The following FAM3B variants were observed in gnomAD, a reference collection of about 807,000 sequenced individuals.
FAM3B encodes protein FAM3B.
FAM3B carries 29 observed loss-of-function variants against 28.4 expected under a neutral mutation model. That is an observed-to-expected ratio of 1.02 (90% CI 0.76 to 1.39). The LOEUF (loss-of-function observed/expected upper bound fraction) is 1.39, where lower values mean the gene tolerates loss of function less well. FAM3B is among the 40% of genes most tolerant of loss of function. The probability of loss-of-function intolerance (pLI) is 0.00; values close to 1 mark genes in which losing one functional copy is unlikely to be tolerated. For missense variants in FAM3B, 266 were observed against 293.9 expected (o/e 0.91, Z 0.69); for synonymous variants, 91 against 103.0 (o/e 0.88, Z 0.71).
chr21:41,329,117 C>T (rs1313175503), intron 2 of FAM3B, among the ~76,000 whole-genome samples: 6 of 152,140 alleles, frequency 3.9e-5, no homozygotes, highest in Admixed American at 3.9e-4. Flanking sequence ...CATTTTTATG[C>T]GATGAAAACA....
intron 7 of FAM3B, among the ~76,000 whole-genome samples, chr21:41,355,951 G>A (rs1048813894): frequency 1.3e-5 from 2 of 151,918 alleles, no homozygotes; most frequent in Non-Finnish European, 2.9e-5. Flanking sequence ...CTGTGAAAGA[G>A]TTGAAGATAT....
At chr21:41,312,043 G>A (rs962562894), upstream of FAM3B, among the ~76,000 whole-genome samples, 3 of 152,096 alleles carry the variant, frequency 2.0e-5, no homozygotes, top group Admixed American at 6.5e-5. Context: ...CATGAGAACC[G>A]CACAGGAAAG....
intron 5 of FAM3B, 139 bp from the exon 6 acceptor site, chr21:41,346,874 G>T: frequency 1.4e-6 from 1 of 725,886 alleles, no homozygotes; most frequent in South Asian, 1.6e-5. Flanking sequence ...CACACCATCT[G>T]CAGGGTTGAG....
intron 2 of FAM3B, among the ~76,000 whole-genome samples, chr21:41,333,722 T>C (rs983884469): frequency 2.0e-5 from 3 of 152,150 alleles, no homozygotes; most frequent in African/African-American, 7.2e-5. Flanking sequence ...TATAAAGATA[T>C]ATGAAAATAA....
intron 1 of FAM3B, chr21:41,304,368 C>G (rs1046038054): frequency 4.4e-6 from 2 of 452,616 alleles, no homozygotes; most frequent in African/African-American, 4.0e-5. Context: ...AGGACGCTGC[C>G]GCCTGCATCT....
intron 2 of FAM3B, among the ~76,000 whole-genome samples, chr21:41,328,897 G>A (rs1033949113): frequency 4.6e-5 from 7 of 152,170 alleles, no homozygotes; most frequent in Admixed American, 3.9e-4. Flanking sequence ...CCCAGACCAC[G>A]TCCAGCTCGG....
chr21:41,344,091 G>A (rs62219622), intron 3 of FAM3B, among the ~76,000 whole-genome samples: 1 of 152,220 alleles, frequency 6.6e-6, no homozygotes, highest in Non-Finnish European at 1.5e-5. Flanking sequence ...CTGCACTCCA[G>A]CCTGGGTGAC....
chr21:41,347,774 A>G (rs867866234), intron 6 of FAM3B, among the ~76,000 whole-genome samples: 6 of 146,010 alleles, frequency 4.1e-5, no homozygotes, highest in Non-Finnish European at 5.9e-5. Flanking sequence ...AAAAAAGAGG[A>G]AAAGAATAAA....
At chr21:41,357,032 G>A (rs572737578) in intron 7 of FAM3B, 76 bp from the exon 8 acceptor site, 36 of 994,620 alleles carry the variant, frequency 3.6e-5, no homozygotes, top group Middle Eastern at 2.3e-4. Context: ...TGGTTGTGTC[G>A]GCTCACAACT....
chr21:41,355,784 C>A (rs1166748848), intron 7 of FAM3B, among the ~76,000 whole-genome samples: 1 of 152,094 alleles, frequency 6.6e-6, no homozygotes, highest in African/African-American at 2.4e-5. Context: ...TGTGACCATG[C>A]TAAAACCATT....
intron 7 of FAM3B, among the ~76,000 whole-genome samples, chr21:41,350,659 C>T (rs1469265363): frequency 6.6e-6 from 1 of 152,238 alleles, no homozygotes; most frequent in Non-Finnish European, 1.5e-5. Context: ...ACTGAACCAG[C>T]TTCTCAGAGG....
intron 1 of FAM3B, among the ~76,000 whole-genome samples, chr21:41,311,252 ATATATATATATATAT>A (rs1308369131): frequency 0.035 from 754 of 21,500 alleles, 27 homozygotes; most frequent in African/African-American, 0.1. Flanking sequence ...AAAAAAAAAA[ATATATATATATATAT>A]ATATATATAT....
intron 7 of FAM3B, among the ~76,000 whole-genome samples, chr21:41,353,855 A>C (rs571698928): frequency 6.6e-6 from 1 of 152,392 alleles, no homozygotes; most frequent in South Asian, 2.1e-4. Flanking sequence ...TCGAGTAAAC[A>C]GACAACCTTT....
At chr21:41,338,319 G>T in intron 2 of FAM3B, 59 bp from the exon 3 acceptor site, 1 of 1,596,540 alleles carries the variant, frequency 6.3e-7, no homozygotes, top group South Asian at 1.1e-5. Flanking sequence ...CCAAGCAGCA[G>T]GTGCATCTGT....
chr21:41,305,061 G>C (rs1484533854), intron 1 of FAM3B, among the ~76,000 whole-genome samples: 1 of 152,260 alleles, frequency 6.6e-6, no homozygotes, highest in African/African-American at 2.4e-5. Context: ...ATTTGACCAC[G>C]TATATTTTCA....
chr21:41,340,672 C>G (rs774956752), intron 3 of FAM3B, among the ~76,000 whole-genome samples: 14 of 152,058 alleles, frequency 9.2e-5, no homozygotes, highest in African/African-American at 3.4e-4. Context: ...GAATTAATTT[C>G]CATTTGCTTT....
upstream of FAM3B, among the ~76,000 whole-genome samples, chr21:41,313,782 C>T (rs1032222432): frequency 1.3e-5 from 2 of 150,050 alleles, no homozygotes; most frequent in Non-Finnish European, 3.0e-5. Context: ...ATGTTGTTGC[C>T]TTTGTCAGTG....
intron 2 of FAM3B, among the ~76,000 whole-genome samples, chr21:41,337,669 G>T (rs8129297): frequency 0.17 from 26,411 of 151,954 alleles, 4,672 homozygotes; most frequent in African/African-American, 0.46. Context: ...ATGTGTGTGG[G>T]AGTGGTGTGG....
At chr21:41,343,644 A>T (rs1424842447) in intron 3 of FAM3B, among the ~76,000 whole-genome samples, 1 of 152,228 alleles carries the variant, frequency 6.6e-6, no homozygotes, top group Non-Finnish European at 1.5e-5. Context: ...CATAAAGCTA[A>T]CATGTCATTG....
Sources: allele counts gnomAD v4.1 joint callset (sites outside exome capture counted in the v4.1 genomes callset), GRCh38; gene constraint gnomAD v4.1.1; transcripts MANE v1.5; gene names NCBI Gene and HGNC (gene_info 2026-07-23, HGNC 2026-07-21).